The following EPSTI1 variants were observed in gnomAD, a reference collection of about 807,000 sequenced individuals.
EPSTI1 encodes epithelial-stromal interaction protein 1.
A neutral mutation model predicts 49.9 loss-of-function variants in EPSTI1; 66 were observed. The observed-to-expected ratio is 1.32, with a 90% confidence interval of 1.08 to 1.62. EPSTI1 has a LOEUF of 1.62. Ranked by LOEUF, EPSTI1 falls within the 40% of genes most tolerant of loss-of-function variation. The probability of loss-of-function intolerance (pLI) is 0.00; values close to 1 mark genes in which losing one functional copy is unlikely to be tolerated. For missense variants in EPSTI1, 394 were observed against 365.5 expected, an observed-to-expected ratio of 1.08 and a Z score of -0.64; for synonymous variants, 137 against 130.7, an observed-to-expected ratio of 1.05 and a Z score of -0.33.
In EPSTI1 at chr13:42,890,006, TC is replaced by T. The variant is rs567451097; in HGVS notation, c.916-1505del. Among the ~76,000 whole-genome samples, 257 of 152,200 alleles carry T rather than the reference TC, an allele frequency of 1.7e-3. 1 individual carries two copies. Among genetic ancestry groups the T allele is most frequent in the African/African-American group, 5.4e-3 (223 of 41,542 alleles). ...CCCACAGCATTTGCCAGAGTCTGTT[TC>T]CCCCCAGTGATGTGCTCTGCCCCGT... is the stretch of plus-strand genomic sequence containing the variant. On this transcript the variant is annotated intron_variant, in intron 10 of 10. Transcript: ENST00000313624.
At chr13:42,895,170 A>T in intron 9 of EPSTI1, 62 bp from the exon 10 acceptor site, 1 of 1,317,200 alleles carries the variant, frequency 7.6e-7, no homozygotes, top group Non-Finnish European at 1.1e-6. Flanking sequence ...GAGATTTCTG[A>T]GAATCTAATG....
chr13:42,958,288 A>T (rs898732567), intron 5 of EPSTI1, among the ~76,000 whole-genome samples: 1 of 152,158 alleles, frequency 6.6e-6, no homozygotes, highest in Non-Finnish European at 1.5e-5. Flanking sequence ...TTGTCCACAG[A>T]CTGACATTTG....
chr13:42,932,388 G>A (rs992664834), intron 6 of EPSTI1, among the ~76,000 whole-genome samples: 2 of 151,836 alleles, frequency 1.3e-5, no homozygotes, highest in East Asian at 1.9e-4. Flanking sequence ...TATTTATCTC[G>A]GTCACCACCG....
chr13:42,900,029 C>T (rs976734761), intron 9 of EPSTI1, among the ~76,000 whole-genome samples: 5 of 152,026 alleles, frequency 3.3e-5, no homozygotes, highest in African/African-American at 4.8e-5. Context: ...ATTAAATATA[C>T]CTTAATTGAA....
At chr13:42,946,042 A>G (rs1218320750) in intron 6 of EPSTI1, among the ~76,000 whole-genome samples, 1 of 152,190 alleles carries the variant, frequency 6.6e-6, no homozygotes, top group Non-Finnish European at 1.5e-5. Context: ...TAAGCCTACC[A>G]TATGGGTAAG....
At chr13:42,956,340 T>C (rs1447088419) in intron 5 of EPSTI1, among the ~76,000 whole-genome samples, 1 of 152,130 alleles carries the variant, frequency 6.6e-6, no homozygotes, top group Non-Finnish European at 1.5e-5. Context: ...CCCAAAGAGC[T>C]GATGACCAAA....
At position 42,951,807 on chromosome 13, in the gene EPSTI1, A is replaced by G. The variant is rs571276781; in HGVS notation, c.563+2141T>C. ...TGTTAAGTAGGTCTTCCCTCTTCCA[A>G]TGTAAAACTAGTATGCCACAAGACA... On this transcript the variant is annotated intron_variant, in intron 6 of 10. Coordinates refer to ENST00000313624, the MANE Select transcript of EPSTI1 (RefSeq NM_033255.5). Among the ~76,000 whole-genome samples, 176 of 152,308 alleles carry G rather than the reference A, an allele frequency of 1.2e-3. 1 individual carries two copies. The highest frequency in any genetic ancestry group is 3.8e-3 in the African/African-American group (160 of 41,578).
rs548068728 is a variant in EPSTI1, at chr13:42,964,075, G to T, written c.396C>A (p.Tyr132Ter). Residue 132 changes from tyrosine (Y) to a stop codon, truncating the protein, a stop_gained, in exon 4 of 11, where the codon TAC becomes TAA. Coordinates refer to ENST00000313624, the MANE Select transcript of EPSTI1 (RefSeq NM_033255.5). LOFTEE classifies it high-confidence loss of function. ...AGAGATGAATTCTGACCTTTTGCTT[G>T]TATTTAGATTGCATCAGCTGGAGTT... is the stretch of plus-strand genomic sequence containing the variant. ...KQQLQLMQSK[Y>*]KQKLKREESV... is the part of the protein sequence containing the mutation. The T allele has an allele frequency of 1.9e-6, 3 of 1,612,822 alleles. No homozygotes were observed. The East Asian group carries it at 6.7e-5, about 36-fold the overall frequency.
chr13:42,990,595 G>A (rs1488477139), intron 1 of EPSTI1, among the ~76,000 whole-genome samples: 1 of 152,134 alleles, frequency 6.6e-6, no homozygotes, highest in African/African-American at 2.4e-5. Flanking sequence ...GTAATTGGCT[G>A]CTTCTACTGT....
intron 5 of EPSTI1, among the ~76,000 whole-genome samples, chr13:42,959,788 G>A (rs1291776190): frequency 6.6e-6 from 1 of 152,106 alleles, no homozygotes; most frequent in East Asian, 1.9e-4. Flanking sequence ...AAGAGGTTGG[G>A]GAATCAAATG....
chr13:42,955,879 G>GCC (rs1555266330), intron 5 of EPSTI1, among the ~76,000 whole-genome samples: 2 of 106,110 alleles, frequency 1.9e-5, no homozygotes, highest in African/African-American at 6.1e-5. Context: ...GAAGTATTTG[G>GCC]GGGGGGGGGG....
chr13:42,909,056 G>A (rs989904503), intron 8 of EPSTI1, among the ~76,000 whole-genome samples: 1 of 151,856 alleles, frequency 6.6e-6, no homozygotes, highest in African/African-American at 2.4e-5. Context: ...TCATGCCATT[G>A]CACTCCAGCC....
intron 8 of EPSTI1, among the ~76,000 whole-genome samples, chr13:42,910,197 A>G (rs185551018): frequency 2.3e-4 from 34 of 147,356 alleles, no homozygotes; most frequent in African/African-American, 7.9e-4. Flanking sequence ...GTATTTTCTA[A>G]TTAAGTTTTG....
At position 42,979,350 on chromosome 13, in the gene EPSTI1, G is replaced by T. The variant is rs562669074; in HGVS notation, c.189-8680C>A. Reference sequence around the variant, plus strand: ...TCCCAGCACTTTGGGAGACTGAGGCGGGTGGATCACGAGGTCAGGAGATGG... The same window carrying T: ...TCCCAGCACTTTGGGAGACTGAGGCTGGTGGATCACGAGGTCAGGAGATGG... On this transcript the variant is annotated intron_variant, in intron 1 of 10. Coordinates refer to ENST00000313624, the MANE Select transcript of EPSTI1 (RefSeq NM_033255.5). Among the ~76,000 whole-genome samples, 37 of 152,250 alleles carry T rather than the reference G, an allele frequency of 2.4e-4. 2 individuals carry two copies. In the South Asian group the frequency reaches 7.7e-3, roughly 32 times the overall value.
rs531425513 is a variant in EPSTI1 at position 42,901,324 on chromosome 13, T to A, written c.742-941A>T. ...AAAACTCAAAGTTCAGGCTGACATT[T>A]TATTAACTTTGTTCAAAGACCCTCT... On this transcript the variant is annotated intron_variant, in intron 8 of 10. Coordinates refer to ENST00000313624, the MANE Select transcript of EPSTI1 (RefSeq NM_033255.5). Among the ~76,000 whole-genome samples the A allele has an allele frequency of 2.2e-4, 33 of 152,254 alleles. No homozygotes were observed. In the South Asian group the frequency reaches 6.9e-3, roughly 32 times the overall value.
Position 42,922,473 on chromosome 13 carries a change from G to A in EPSTI1, c.657+3863C>T, listed in dbSNP as rs1038585289. On this transcript the variant is annotated intron_variant, in intron 7 of 10. Transcript: ENST00000313624. This position sits in a 1 kb window ranked among gnomAD's most constrained non-coding sequence, Gnocchi z 4.8. ...TGGAGCCATGCAGCCGTGTGCCAAG[G>A]GTTTGCGGGGACAGGGGACAGATGC... Among the ~76,000 whole-genome samples, 6 of 152,114 alleles carry A rather than the reference G, an allele frequency of 3.9e-5. No individual in the cohort carries two copies. The highest frequency in any genetic ancestry group is 1.4e-4 in the African/African-American group (6 of 41,396).
chr13:42,963,128 A>C lies in EPSTI1; in HGVS notation c.489+127T>G, dbSNP rs2039505266. 3 of 756,090 alleles carry C rather than the reference A, an allele frequency of 4.0e-6. No homozygotes were observed. The Admixed American group carries it at 8.5e-5, about 21-fold the overall frequency. 46.8% of individuals were successfully genotyped at this position (756,090 alleles called of 1,614,324 possible). Reference sequence around the variant, plus strand: ...AAAAAAACTGGATGAGGAAAAGAAGAGTGGGGAATAGAAAGAGAGAGAGAG... The same window carrying C: ...AAAAAAACTGGATGAGGAAAAGAAGCGTGGGGAATAGAAAGAGAGAGAGAG... On this transcript the variant is annotated intron_variant, in intron 5 of 10. Coordinates refer to ENST00000313624, the MANE Select transcript of EPSTI1 (RefSeq NM_033255.5).
intron 9 of EPSTI1, among the ~76,000 whole-genome samples, chr13:42,896,112 C>G (rs771763891): frequency 6.6e-6 from 1 of 152,142 alleles, no homozygotes; most frequent in Non-Finnish European, 1.5e-5. Flanking sequence ...TTGCTCAGTG[C>G]TAGCTAAGAT....
At chr13:42,906,637 A>T (rs2037507676) in intron 8 of EPSTI1, among the ~76,000 whole-genome samples, 1 of 152,170 alleles carries the variant, frequency 6.6e-6, no homozygotes, top group Non-Finnish European at 1.5e-5. Flanking sequence ...GAGTTTAAAG[A>T]AGTCCTGGTT....
Sources: allele counts gnomAD v4.1 joint callset (sites outside exome capture counted in the v4.1 genomes callset), GRCh38; gene constraint gnomAD v4.1.1; non-coding constraint Gnocchi (gnomAD v3.1); transcripts MANE v1.5; gene names NCBI Gene and HGNC (gene_info 2026-07-23, HGNC 2026-07-21).